Variants in SDC1 observed in about 807,000 individuals in gnomAD.
SDC1 encodes syndecan-1.
In SDC1, 14 loss-of-function variants were observed where a neutral mutation model predicts 29.7. The ratio of observed to expected loss-of-function variants is 0.47; its 90% CI spans 0.31 to 0.74. The LOEUF (loss-of-function observed/expected upper bound fraction) is 0.74. Among genes scored for constraint, SDC1 ranks in the 30% least tolerant of loss-of-function variants. The pLI is 0.05. For synonymous variants in SDC1, 204 were observed against 175.5 expected, an observed-to-expected ratio of 1.16 and a Z score of -1.29; for missense variants, 406 against 400.3, an observed-to-expected ratio of 1.01 and a Z score of -0.12.
intron 1 of SDC1, among the ~76,000 whole-genome samples, chr2:20,208,590 C>G (rs79302389): frequency 0.036 from 5,495 of 152,314 alleles, 323 homozygotes; most frequent in African/African-American, 0.12. Context: ...AAGGTGCCAG[C>G]TGACTCCCGG....
intron 1 of SDC1, among the ~76,000 whole-genome samples, chr2:20,216,488 G>A (rs1365765522): frequency 6.6e-6 from 1 of 152,192 alleles, no homozygotes; most frequent in African/African-American, 2.4e-5. Context: ...CACAACCTCG[G>A]GCCCTGCAAG....
Position 20,216,119 on chromosome 2 carries a change from C to T in SDC1, c.66+8683G>A, listed in dbSNP as rs375999789. 5.9e-5 allele frequency among the ~76,000 whole-genome samples: 9 copies of T among 152,358 alleles called. No individual in the cohort carries two copies. The South Asian group carries it at 1.9e-3, about 32-fold the overall frequency. On this transcript the variant is annotated intron_variant, in intron 1 of 4. Transcript: ENST00000254351. Reference sequence around the variant, plus strand: ...ATTCCCTGAGCCCAAGACAACCAGTCACTGCTGCAGATTCACCCGAGGAGA... The same window carrying T: ...ATTCCCTGAGCCCAAGACAACCAGTTACTGCTGCAGATTCACCCGAGGAGA...
chr2:20,212,531 G>A (rs1179367318), intron 1 of SDC1, among the ~76,000 whole-genome samples: 4 of 152,230 alleles, frequency 2.6e-5, no homozygotes, highest in African/African-American at 9.6e-5. Context: ...TGGGGTCTGG[G>A]CCTCCAGACC....
At position 20,207,987 on chromosome 2, in the gene SDC1, T is replaced by TC. The variant is rs1323853308; in HGVS notation, c.67-2564dup. On this transcript the variant is annotated intron_variant, in intron 1 of 4. Transcript: ENST00000254351. ...CCCTGCCCTCTCCTGCTGCACCGCC[T>TC]CCCCCAAGAGAAAGCTCAAGATGGG... is the stretch of plus-strand genomic sequence containing the variant. 4 of 985,122 alleles carry TC rather than the reference T, an allele frequency of 4.1e-6. No individual in the cohort carries two copies. The African/African-American group carries it at 7.0e-5, about 17-fold the overall frequency. The allele number at this position is 985,122 out of a possible 1,614,324, so 61.0% of individuals were successfully genotyped here. A position where few individuals can be genotyped will look rare whatever the true frequency, so the allele number is the denominator to read the frequency against.
chr2:20,204,972 G>A (rs1677205988), intron 2 of SDC1, among the ~76,000 whole-genome samples: 1 of 152,246 alleles, frequency 6.6e-6, no homozygotes, highest in South Asian at 2.1e-4. Context: ...TCAGGTCAAG[G>A]TATTATTCCC....
chr2:20,220,162 T>C (rs3771229), intron 1 of SDC1, among the ~76,000 whole-genome samples: 46,955 of 152,118 alleles, frequency 0.31, 7,545 homozygotes, highest in Middle Eastern at 0.38. Context: ...CAACCCAGTG[T>C]TGTTTGCCTG....
chr2:20,209,560 C>A (rs375215781), intron 1 of SDC1, among the ~76,000 whole-genome samples: 2 of 152,212 alleles, frequency 1.3e-5, no homozygotes, highest in East Asian at 1.9e-4. Context: ...TAGACCAGAA[C>A]GGGACCTGTG....
chr2:20,204,214 T>C lies in SDC1; in HGVS notation c.226A>G (p.Thr76Ala). 2.5e-6 allele frequency: 4 copies of C among 1,596,720 alleles called. No individual in the cohort carries two copies. Among genetic ancestry groups the C allele is most frequent in the South Asian group, 1.1e-5 (1 of 90,990 alleles). Residue 76 changes from threonine to alanine, a missense_variant, in exon 3 of 5, where the codon ACG becomes GCG. Coordinates refer to ENST00000254351, the MANE Select transcript of SDC1 (RefSeq NM_002997.5). ...KDTQLLTAIPTSPEPTGLEAT... is the reference protein window; with the variant it reads ...KDTQLLTAIPASPEPTGLEAT... ...TCCAGGCCGGTGGGTTCTGGAGACGTGGGAATAGCCGTCAGGAGCTGCGTG... is the reference window on the plus strand; with the variant it reads ...TCCAGGCCGGTGGGTTCTGGAGACGCGGGAATAGCCGTCAGGAGCTGCGTG...
chr2:20,213,513 G>A (rs898024818), intron 1 of SDC1, among the ~76,000 whole-genome samples: 1 of 152,242 alleles, frequency 6.6e-6, no homozygotes, highest in African/African-American at 2.4e-5. Flanking sequence ...TCATGGCTTA[G>A]GCAGGATGCC....
intron 1 of SDC1, among the ~76,000 whole-genome samples, chr2:20,212,603 T>G (rs1677501875): frequency 6.6e-6 from 1 of 152,130 alleles, no homozygotes; most frequent in South Asian, 2.1e-4. Flanking sequence ...CAAGGCAGCA[T>G]CAGCATTTCC....
chr2:20,202,301 A>G lies in SDC1; in HGVS notation c.*465T>C, dbSNP rs1173746352. 3 of 778,318 alleles carry G rather than the reference A, an allele frequency of 3.9e-6. No homozygotes were observed. Among genetic ancestry groups the G allele is most frequent in the Non-Finnish European group, 4.8e-6 (2 of 417,630 alleles). The allele number at this position is 778,318 out of a possible 1,614,324, so 48.2% of individuals were successfully genotyped here. A position where few individuals can be genotyped will look rare whatever the true frequency, so the allele number is the denominator to read the frequency against. ...TAGACCTCCCCACGAAACAAAGTGG[A>G]CTCCTGTCCCCTGCCACTCAGCGGC... On this transcript the variant is annotated 3_prime_UTR_variant, in exon 5 of 5. Coordinates refer to ENST00000254351, the MANE Select transcript of SDC1 (RefSeq NM_002997.5).
Position 20,202,096 on chromosome 2 carries a change from TTA to T in SDC1, c.*668_*669del. 5.8e-6 allele frequency: 3 copies of T among 516,432 alleles called. No individual in the cohort carries two copies. Among genetic ancestry groups the T allele is most frequent in the Admixed American group, 4.0e-5 (1 of 24,814 alleles). 32.0% of individuals were successfully genotyped at this position (516,432 alleles called of 1,614,324 possible). The stretch of plus-strand genomic sequence containing the variant: ...GGCTTCCAGATTTGGTTCTCCTAGT[TTA>T]AAAAAAAAAAAAAAAAGTCTTCTTA... On this transcript the variant is annotated 3_prime_UTR_variant, in exon 5 of 5. Transcript: ENST00000254351.
chr2:20,222,959 G>C (rs1394536207), intron 1 of SDC1, among the ~76,000 whole-genome samples: 1 of 152,206 alleles, frequency 6.6e-6, no homozygotes, highest in Non-Finnish European at 1.5e-5. Flanking sequence ...AGGGAGGTAA[G>C]GCACCCAGCT....
rs1222574503 is a variant in SDC1 at position 20,205,319 on chromosome 2, G to T, written c.148+24C>A. ...CATGACCTGTTGCCGTCTTGGGTGG[G>T]GGGGGCCCCCATGACAACCTCACCT... On this transcript the variant is annotated intron_variant, in intron 2 of 4. Coordinates refer to ENST00000254351, the MANE Select transcript of SDC1 (RefSeq NM_002997.5). The T allele has an allele frequency of 5.0e-6, 8 of 1,600,702 alleles. No individual in the cohort carries two copies. In the South Asian group the frequency reaches 5.5e-5, roughly 11 times the overall value.
In SDC1 at chr2:20,203,067, C is replaced by G; in HGVS notation, c.763+20G>C. ...ACAGCAGCAATTCACCCCAAACTAC[C>G]CCCCTGAAAGAAAACTCACCTCCCA... On this transcript the variant is annotated intron_variant, in intron 4 of 4. Transcript: ENST00000254351. 6.3e-7 allele frequency: 1 copy of G among 1,586,752 alleles called. No individual in the cohort carries two copies. Among genetic ancestry groups the G allele is most frequent in the Non-Finnish European group, 8.6e-7 (1 of 1,161,534 alleles).
At chr2:20,217,622 C>A (rs1677670370) in intron 1 of SDC1, among the ~76,000 whole-genome samples, 1 of 152,216 alleles carries the variant, frequency 6.6e-6, no homozygotes, top group Non-Finnish European at 1.5e-5. Context: ...AGCCAGGCCC[C>A]TGAGCCCCGG....
intron 1 of SDC1, chr2:20,208,119 T>C (rs142449545): frequency 1.5e-5 from 15 of 985,414 alleles, no homozygotes; most frequent in Admixed American, 6.1e-5. Context: ...CATGCTCCAT[T>C]CAACAATGAG....
chr2:20,207,451 T>C (rs1396972778), intron 1 of SDC1: 2 of 965,922 alleles, frequency 2.1e-6, no homozygotes, highest in African/African-American at 1.8e-5. Flanking sequence ...GTGCAGTGGC[T>C]CACGCCTGTA....
At chr2:20,210,206 C>T (rs574086960) in intron 1 of SDC1, among the ~76,000 whole-genome samples, 11 of 152,234 alleles carry the variant, frequency 7.2e-5, no homozygotes, top group African/African-American at 2.2e-4. Flanking sequence ...CTGGGCGTGG[C>T]GGTGTGCACC....
Sources: allele counts gnomAD v4.1 joint callset (sites outside exome capture counted in the v4.1 genomes callset), GRCh38; gene constraint gnomAD v4.1.1; transcripts MANE v1.5; gene names NCBI Gene and HGNC (gene_info 2026-07-23, HGNC 2026-07-21).